Variants in ARB2A observed in about 807,000 individuals in gnomAD.
ARB2A encodes the protein cotranscriptional regulator ARB2A.
At chr5:93,807,901 A>G in the ARB2A span, among the ~76,000 whole-genome samples, 2 of 152,036 alleles carry the variant, frequency 1.3e-5, no homozygotes, top group Non-Finnish European at 2.9e-5. Flanking sequence ...CATCTGCAGT[A>G]AAGTTTTACC....
chr5:93,901,415 A>G, the ARB2A span, among the ~76,000 whole-genome samples: 3 of 152,172 alleles, frequency 2.0e-5, no homozygotes, highest in East Asian at 1.9e-4. Context: ...ACAGAAGCGT[A>G]GCTCATGAAA....
At chr5:93,835,682 T>C in the ARB2A span, among the ~76,000 whole-genome samples, 3 of 152,160 alleles carry the variant, frequency 2.0e-5, no homozygotes, top group African/African-American at 7.2e-5. Flanking sequence ...TGTCACTAAT[T>C]TCAGTTATGT....
At chr5:93,795,841 T>TG in the ARB2A span, among the ~76,000 whole-genome samples, 1 of 46,032 alleles carries the variant, frequency 2.2e-5, no homozygotes, top group Non-Finnish European at 4.6e-5. Flanking sequence ...AGAAGACTAT[T>TG]GAAAAGCAAA....
chr5:93,768,593 A>G, the ARB2A span, among the ~76,000 whole-genome samples: 5 of 151,562 alleles, frequency 3.3e-5, no homozygotes, highest in African/African-American at 7.3e-5. Flanking sequence ...GTGTGTGTGT[A>G]TATATATGTA....
At chr5:93,682,967 T>A in the ARB2A span, 1 of 1,582,836 alleles carries the variant, frequency 6.3e-7, no homozygotes, top group African/African-American at 1.3e-5. Flanking sequence ...TATACTTGCT[T>A]GCATTTTTGC....
the ARB2A span, among the ~76,000 whole-genome samples, chr5:93,638,553 C>A: frequency 6.6e-6 from 1 of 152,034 alleles, no homozygotes; most frequent in African/African-American, 2.4e-5. Context: ...TGGCTCATGC[C>A]TGTAATCCCA....
chr5:93,832,174 C>T, the ARB2A span, among the ~76,000 whole-genome samples: 6 of 152,156 alleles, frequency 3.9e-5, no homozygotes, highest in African/African-American at 9.6e-5. Flanking sequence ...CCAGAACCTC[C>T]GAGGATTTAC....
chr5:94,049,086 T>C, the ARB2A span, among the ~76,000 whole-genome samples: 1 of 152,206 alleles, frequency 6.6e-6, no homozygotes, highest in East Asian at 1.9e-4. Flanking sequence ...CTTAGAAAAG[T>C]AATGTAGCTA....
the ARB2A span, among the ~76,000 whole-genome samples, chr5:93,830,631 G>T: frequency 6.6e-6 from 1 of 151,772 alleles, no homozygotes; most frequent in Admixed American, 6.6e-5. Context: ...ATACTGTTGG[G>T]ATCCTATTTG....
the ARB2A span, chr5:93,863,438 T>C: frequency 6.6e-6 from 1 of 151,374 alleles, no homozygotes; most frequent in Non-Finnish European, 1.5e-5. Flanking sequence ...TATATATATA[T>C]TTATATATAT....
At chr5:93,729,264 G>A in the ARB2A span, among the ~76,000 whole-genome samples, 1 of 152,088 alleles carries the variant, frequency 6.6e-6, no homozygotes, top group Non-Finnish European at 1.5e-5. Flanking sequence ...CTGGCCGCTT[G>A]GTGATGTAAT....
At chr5:94,033,578 C>A in the ARB2A span, among the ~76,000 whole-genome samples, 2 of 152,178 alleles carry the variant, frequency 1.3e-5, no homozygotes, top group Admixed American at 6.5e-5. Context: ...ACACCTGCCA[C>A]CATGCCTGGC....
chr5:94,074,571 G>T, the ARB2A span: 1 of 1,102,918 alleles, frequency 9.1e-7, no homozygotes. Context: ...GAAATGAATG[G>T]AAGGTCACCT....
At chr5:94,067,888 CT>C in the ARB2A span, among the ~76,000 whole-genome samples, 1 of 152,130 alleles carries the variant, frequency 6.6e-6, no homozygotes, top group African/African-American at 2.4e-5. Context: ...AGGAACACAG[CT>C]GGAGAGATCA....
chr5:94,097,631 G>A, the ARB2A span, among the ~76,000 whole-genome samples: 1 of 151,978 alleles, frequency 6.6e-6, no homozygotes, highest in South Asian at 2.1e-4. Flanking sequence ...CACCATTATT[G>A]TGGGGCCTCC....
At chr5:93,793,986 CTGACAGCTGAAGGA>C in the ARB2A span, among the ~76,000 whole-genome samples, 1 of 152,114 alleles carries the variant, frequency 6.6e-6, no homozygotes, top group Non-Finnish European at 1.5e-5. Flanking sequence ...TCTGATGGGA[CTGACAGCTGAAGGA>C]TGTCTGCTGA....
chr5:93,982,725 C>G, the ARB2A span, among the ~76,000 whole-genome samples: 1 of 152,122 alleles, frequency 6.6e-6, no homozygotes, highest in Non-Finnish European at 1.5e-5. Flanking sequence ...ATACTGTGGG[C>G]AACTGTGACA....
At chr5:93,947,196 C>T in the ARB2A span, among the ~76,000 whole-genome samples, 1 of 152,264 alleles carries the variant, frequency 6.6e-6, no homozygotes, top group East Asian at 1.9e-4. Flanking sequence ...TCCTATATGG[C>T]AGTATTACGC....
the ARB2A span, chr5:93,784,282 G>A: frequency 1.4e-6 from 1 of 729,968 alleles, no homozygotes; most frequent in Non-Finnish European, 2.4e-6. Flanking sequence ...TCTGCCTCTA[G>A]AAAGGGAGTT....
Sources: allele counts gnomAD v4.1 joint callset (sites outside exome capture counted in the v4.1 genomes callset), GRCh38; gene constraint gnomAD v4.1.1; transcripts MANE v1.5; gene names NCBI Gene and HGNC (gene_info 2026-07-23, HGNC 2026-07-21).